TMPRSS6: variants seen among roughly 807,000 people sequenced by gnomAD.
TMPRSS6 encodes transmembrane serine protease 6.
In TMPRSS6, 67 loss-of-function variants were observed where a neutral mutation model predicts 101.5. That is an observed-to-expected ratio of 0.66 (90% CI 0.54 to 0.81). The LOEUF is 0.81. Among genes scored for constraint, TMPRSS6 ranks in the 30% least tolerant of loss-of-function variants. TMPRSS6 has a pLI of 0.00. For missense variants in TMPRSS6, 1,034 were observed against 1,088.7 expected, an observed-to-expected ratio of 0.95 and a Z score of 0.71; for synonymous variants, 453 against 464.9, an observed-to-expected ratio of 0.97 and a Z score of 0.33.
At position 37,069,097 on chromosome 22, in the gene TMPRSS6, C is replaced by G. The variant is rs762561683; in HGVS notation, c.2089G>C (p.Gly697Arg). ...CCGCCCTCGCGCAAGGCGCCCCAGC[C>G]CGTAATCCAGCAGTGCAGGCCGGGC... ...FEPGLHCWIT[G>R]WGALREGGPI... Residue 697 changes from glycine (G) to arginine (R), a missense_variant, in exon 16 of 18, where the codon GGC becomes CGC. Coordinates refer to ENST00000676104, the MANE Select transcript of TMPRSS6 (RefSeq NM_001374504.1). This position sits in a 1 kb window ranked among gnomAD's most constrained non-coding sequence, Gnocchi z 4.8. 9.7e-6 allele frequency: 15 copies of G among 1,550,786 alleles called. No homozygotes were observed. The South Asian group carries it at 1.8e-4, about 18-fold the overall frequency.
intron 2 of TMPRSS6, among the ~76,000 whole-genome samples, chr22:37,100,645 A>G (rs1435313578): frequency 2.6e-5 from 4 of 152,200 alleles, no homozygotes; most frequent in African/African-American, 9.7e-5. Flanking sequence ...ATGGTCTGAA[A>G]GCATAGGGTC....
chr22:37,091,010 C>T (rs138247381), intron 6 of TMPRSS6, among the ~76,000 whole-genome samples: 1 of 152,244 alleles, frequency 6.6e-6, no homozygotes, highest in African/African-American at 2.4e-5. Flanking sequence ...CCCCACACAC[C>T]AGTGAGTCTC....
At position 37,069,732 on chromosome 22, in the gene TMPRSS6, A is replaced by G. The variant is rs764508196; in HGVS notation, c.1842-388T>C. Among the ~76,000 whole-genome samples the G allele has an allele frequency of 1.3e-5, 2 of 152,154 alleles. No individual in the cohort carries two copies. The highest frequency in any genetic ancestry group is 2.9e-5 in the Non-Finnish European group (2 of 68,018). ...TTCTTTTTTCCTGTGTGCTTTACAG[A>G]CCCAGGCTGCTCTGAATTCCCTGAG... On this transcript the variant is annotated intron_variant, in intron 15 of 17. Coordinates refer to ENST00000676104, the MANE Select transcript of TMPRSS6 (RefSeq NM_001374504.1). This position sits in a 1 kb window ranked among gnomAD's most constrained non-coding sequence, Gnocchi z 4.8.
At chr22:37,082,889 T>A in intron 10 of TMPRSS6, 1 of 450,268 alleles carries the variant, frequency 2.2e-6, no homozygotes, top group Non-Finnish European at 4.6e-6. Context: ...CCCAGATAAA[T>A]TGCAAAAAGG....
At chr22:37,098,685 ATCATCATCATCTTTG>A in intron 2 of TMPRSS6, 136 bp from the exon 3 acceptor site, 1 of 1,098,318 alleles carries the variant, frequency 9.1e-7, no homozygotes, top group Non-Finnish European at 1.4e-6. Flanking sequence ...CATCAATGTC[ATCATCATCATCTTTG>A]TCACTCCCAT....
intron 10 of TMPRSS6, among the ~76,000 whole-genome samples, chr22:37,076,751 T>C (rs1038215279): frequency 6.6e-6 from 1 of 152,248 alleles, no homozygotes; most frequent in Non-Finnish European, 1.5e-5. Flanking sequence ...CTTCATCAGC[T>C]CATAGAAATG....
chr22:37,072,420 G>T, intron 13 of TMPRSS6, among the ~76,000 whole-genome samples: 1 of 146,156 alleles, frequency 6.8e-6, no homozygotes, highest in South Asian at 2.2e-4. Flanking sequence ...ATGGATGATG[G>T]ATTGATGGAT....
chr22:37,072,608 TG>T (rs1927160781), intron 13 of TMPRSS6, among the ~76,000 whole-genome samples: 1 of 119,196 alleles, frequency 8.4e-6, no homozygotes, highest in African/African-American at 3.3e-5. Context: ...GATGGATGGA[TG>T]GATGATGGAC....
chr22:37,085,136 AC>A (rs917994932), intron 8 of TMPRSS6, among the ~76,000 whole-genome samples: 2 of 152,216 alleles, frequency 1.3e-5, no homozygotes, highest in African/African-American at 4.8e-5. Context: ...TCGCCAGTTT[AC>A]AAAATGCATT....
chr22:37,095,756 A>G, intron 5 of TMPRSS6, 150 bp downstream of exon 5: 6 of 1,222,876 alleles, frequency 4.9e-6, no homozygotes, highest in Middle Eastern at 2.5e-4. Context: ...CCTTGAATGC[A>G]ATGGCACTGC....
intron 1 of TMPRSS6, among the ~76,000 whole-genome samples, chr22:37,106,000 A>G (rs1569030332): frequency 6.6e-6 from 1 of 152,162 alleles, no homozygotes; most frequent in Non-Finnish European, 1.5e-5. Context: ...GGGATGAGTC[A>G]TAGAGCCATG....
chr22:37,088,082 G>T (rs921506047), intron 7 of TMPRSS6, among the ~76,000 whole-genome samples: 2 of 152,258 alleles, frequency 1.3e-5, no homozygotes, highest in Admixed American at 6.5e-5. Context: ...ACAGAGCTGG[G>T]CCTGGCAGTC....
chr22:37,071,073 C>G, intron 13 of TMPRSS6, 41 bp from the exon 14 acceptor site: 1 of 1,579,152 alleles, frequency 6.3e-7, no homozygotes, highest in Non-Finnish European at 8.7e-7. Context: ...GAAGGTGGGT[C>G]TCTGAGCCCC....
At chr22:37,082,595 G>A (rs1412877738) in intron 10 of TMPRSS6, 2 of 198,292 alleles carry the variant, frequency 1.0e-5, no homozygotes, top group Admixed American at 5.3e-5. Flanking sequence ...GCTCCATGAG[G>A]GGTCAGGGCA....
At chr22:37,100,985 A>G (rs1930265518) in intron 2 of TMPRSS6, among the ~76,000 whole-genome samples, 1 of 152,134 alleles carries the variant, frequency 6.6e-6, no homozygotes, top group Non-Finnish European at 1.5e-5. Flanking sequence ...GGATTTAGCA[A>G]CCTGGGATGT....
At chr22:37,100,058 C>T (rs563174796) in intron 2 of TMPRSS6, among the ~76,000 whole-genome samples, 1 of 152,338 alleles carries the variant, frequency 6.6e-6, no homozygotes, top group Admixed American at 6.5e-5. Flanking sequence ...ACCTCTGCCT[C>T]CCGGGTTCAA....
intron 10 of TMPRSS6, among the ~76,000 whole-genome samples, chr22:37,079,605 G>A (rs569009664): frequency 6.6e-6 from 1 of 152,358 alleles, no homozygotes; most frequent in East Asian, 1.9e-4. Flanking sequence ...CAGAGCTCTA[G>A]ACCTGGGGCT....
At chr22:37,084,978 C>G (rs1347812890) in intron 8 of TMPRSS6, 139 bp from the exon 9 acceptor site, 36 of 694,874 alleles carry the variant, frequency 5.2e-5, no homozygotes, top group Non-Finnish European at 8.3e-5. Context: ...GAATCTGGGT[C>G]TCAGTTTCCT....
At chr22:37,094,644 C>A (rs1929593826) in intron 6 of TMPRSS6, among the ~76,000 whole-genome samples, 1 of 152,190 alleles carries the variant, frequency 6.6e-6, no homozygotes, top group Admixed American at 6.5e-5. Flanking sequence ...ATATTTGACA[C>A]ATGGTCACTC....
Sources: gnomAD v4.1 joint callset for allele counts (sites outside exome capture counted in the v4.1 genomes callset) on GRCh38, gnomAD v4.1.1 for gene constraint, Gnocchi (gnomAD v3.1) non-coding constraint, MANE v1.5 for transcripts, NCBI Gene and HGNC (gene_info 2026-07-23, HGNC 2026-07-21) for gene names.